The following SPTBN1 variants were observed in gnomAD, a reference collection of about 807,000 sequenced individuals.
SPTBN1 encodes spectrin beta, non-erythrocytic 1.
A neutral mutation model predicts 266.4 loss-of-function variants in SPTBN1; 32 were observed. The ratio of observed to expected loss-of-function variants is 0.12; its 90% CI spans 0.09 to 0.16. The LOEUF is 0.16. Ranked by LOEUF, SPTBN1 falls within the 10% of genes least tolerant of loss-of-function variation. SPTBN1 has a pLI of 1.00. For missense variants in SPTBN1, 2,296 were observed against 3,067.1 expected (o/e 0.75, Z 5.94); for synonymous variants, 1,336 against 1,162.2 (o/e 1.15, Z -3.04).
chr2:54,579,969 C>T (rs1024425111), intron 2 of SPTBN1, among the ~76,000 whole-genome samples: 10 of 152,216 alleles, frequency 6.6e-5, no homozygotes, highest in African/African-American at 2.2e-4. Context: ...CTGGTGAGAA[C>T]GGCTCTCTGG....
chr2:54,477,778 G>T lies in SPTBN1; in HGVS notation c.-48+21260G>T, dbSNP rs1034687901. On this transcript the variant is annotated intron_variant, in intron 1 of 35. Transcript: ENST00000356805. The stretch of plus-strand genomic sequence containing the variant: ...AATGCAAAAATTAGCTGGCATGGTG[G>T]CGGGTGCCCGTTATCCCAGCTACTC... 5.3e-5 allele frequency among the ~76,000 whole-genome samples: 8 copies of T among 152,176 alleles called. No homozygotes were observed. The East Asian group carries it at 1.5e-3, about 29-fold the overall frequency.
At chr2:54,661,598 C>G (rs1473643444) in intron 32 of SPTBN1, 1 of 985,710 alleles carries the variant, frequency 1.0e-6, no homozygotes, top group African/African-American at 1.7e-5. Context: ...GGGTCTCTGC[C>G]TTAAAACACA....
chr2:54,587,150 C>G (rs1051447883), intron 2 of SPTBN1, among the ~76,000 whole-genome samples: 5 of 152,182 alleles, frequency 3.3e-5, no homozygotes, highest in Admixed American at 6.5e-5. Flanking sequence ...TTTGAATTCT[C>G]TCTCAATACC....
intron 2 of SPTBN1, among the ~76,000 whole-genome samples, chr2:54,544,461 C>A (rs1672120134): frequency 6.6e-6 from 1 of 152,156 alleles, no homozygotes; most frequent in Non-Finnish European, 1.5e-5. Flanking sequence ...ACTTACTAAA[C>A]CTTTCCCAGA....
intron 1 of SPTBN1, among the ~76,000 whole-genome samples, chr2:54,468,242 G>A (rs1693736534): frequency 6.6e-6 from 1 of 152,066 alleles, no homozygotes; most frequent in African/African-American, 2.4e-5. Flanking sequence ...AGGAGGTGGA[G>A]GTTGCAGTGA....
At chr2:54,569,969 A>AT (rs1172939880) in intron 2 of SPTBN1, among the ~76,000 whole-genome samples, 1 of 133,604 alleles carries the variant, frequency 7.5e-6, no homozygotes, top group Non-Finnish European at 1.6e-5. Context: ...AACTGAAACC[A>AT]TTCCCCCCCC....
At chr2:54,612,135 C>T (rs757672443) in intron 3 of SPTBN1, 26 bp from the exon 4 acceptor site, 31 of 1,562,434 alleles carry the variant, frequency 2.0e-5, no homozygotes, top group Non-Finnish European at 2.6e-5. Context: ...GGTGATGTGT[C>T]TCTACCTCTG....
chr2:54,602,307 A>T (rs929804203), intron 3 of SPTBN1, among the ~76,000 whole-genome samples: 4 of 152,170 alleles, frequency 2.6e-5, no homozygotes, highest in Admixed American at 6.5e-5. Flanking sequence ...TTAGACCTAG[A>T]TCTCAGGACC....
Position 54,647,280 on chromosome 2 carries a change from G to A in SPTBN1, c.4997+19G>A. 3 of 1,612,540 alleles carry A rather than the reference G, an allele frequency of 1.9e-6. No homozygotes were observed. The highest frequency in any genetic ancestry group is 2.5e-6 in the Non-Finnish European group (3 of 1,179,622). ...CTGAAAGGTGAGCGCTGCTTCATGA[G>A]TGTGAGACCCGGCTCTCGATTCCTC... On this transcript the variant is annotated intron_variant, in intron 24 of 35. Transcript: ENST00000356805.
chr2:54,582,055 C>A (rs960992071), intron 2 of SPTBN1, among the ~76,000 whole-genome samples: 4 of 152,214 alleles, frequency 2.6e-5, no homozygotes, highest in African/African-American at 7.2e-5. Flanking sequence ...AAAAATACAT[C>A]TGGAAGTCTG....
chr2:54,560,188 G>T (rs963149409), intron 2 of SPTBN1, among the ~76,000 whole-genome samples: 2 of 80,882 alleles, frequency 2.5e-5, no homozygotes, highest in South Asian at 3.3e-4. Context: ...GAGTTGGGGT[G>T]GGGGGGGGCG....
chr2:54,585,710 A>G (rs1675246724), intron 2 of SPTBN1, among the ~76,000 whole-genome samples: 2 of 152,212 alleles, frequency 1.3e-5, no homozygotes, highest in Admixed American at 6.5e-5. Flanking sequence ...TTACATTTTT[A>G]AAGAGAGAAC....
chr2:54,538,015 G>C (rs1367295), intron 2 of SPTBN1, among the ~76,000 whole-genome samples: 1 of 152,080 alleles, frequency 6.6e-6, no homozygotes, highest in Non-Finnish European at 1.5e-5. Context: ...GAAGATGACA[G>C]TAAGTAACAA....
At chr2:54,594,833 CT>C (rs71408777) in intron 2 of SPTBN1, among the ~76,000 whole-genome samples, 26 of 104,714 alleles carry the variant, frequency 2.5e-4, no homozygotes, top group Non-Finnish European at 2.7e-4. Context: ...TGGTAAGTTT[CT>C]TTTTTTTTTT....
At chr2:54,667,886 C>T (rs2104276531) in intron 35 of SPTBN1, among the ~76,000 whole-genome samples, 1 of 152,302 alleles carries the variant, frequency 6.6e-6, no homozygotes, top group South Asian at 2.1e-4. Context: ...TTGCCTGTCC[C>T]CTCCCAGGGA....
intron 18 of SPTBN1, among the ~76,000 whole-genome samples, chr2:54,638,169 A>C (rs907712418): frequency 6.6e-6 from 1 of 152,256 alleles, no homozygotes; most frequent in Non-Finnish European, 1.5e-5. Flanking sequence ...TCAGTAGCCA[A>C]CTTTGACTAG....
Position 54,632,842 on chromosome 2 carries a change from C to A in SPTBN1, c.3767+74C>A, listed in dbSNP as rs553484549. On this transcript the variant is annotated intron_variant, in intron 17 of 35. Coordinates refer to ENST00000356805, the MANE Select transcript of SPTBN1 (RefSeq NM_003128.3). ...AAACTTCTGAATCATTGGCCAGAAGCCCTTGGGAGTTTAGGTATAAATTTC... is the reference window on the plus strand; with the variant it reads ...AAACTTCTGAATCATTGGCCAGAAGACCTTGGGAGTTTAGGTATAAATTTC... The A allele has an allele frequency of 9.2e-6, 14 of 1,515,428 alleles. No homozygotes were observed. In the East Asian group the frequency reaches 3.2e-4, roughly 35 times the overall value. 93.9% of individuals were successfully genotyped at this position (1,515,428 alleles called of 1,614,324 possible). A position where few individuals can be genotyped will look rare whatever the true frequency, so the allele number is the denominator to read the frequency against.
chr2:54,606,174 G>A (rs997835163), intron 3 of SPTBN1, among the ~76,000 whole-genome samples: 1 of 152,182 alleles, frequency 6.6e-6, no homozygotes, highest in Non-Finnish European at 1.5e-5. Context: ...GATTATTTGA[G>A]ATCAAGCTTT....
chr2:54,507,670 G>A (rs1296052847), intron 1 of SPTBN1, among the ~76,000 whole-genome samples: 2 of 152,042 alleles, frequency 1.3e-5, no homozygotes, highest in African/African-American at 2.4e-5. Context: ...TGTCCAAGGG[G>A]GGTTAGTGTA....
Sources: allele counts gnomAD v4.1 joint callset (sites outside exome capture counted in the v4.1 genomes callset), GRCh38; gene constraint gnomAD v4.1.1; transcripts MANE v1.5; gene names NCBI Gene and HGNC (gene_info 2026-07-23, HGNC 2026-07-21).